The following U2SURP variants were observed in gnomAD, a reference collection of about 807,000 sequenced individuals.
U2SURP encodes U2 snRNP associated SURP domain containing, also known as U2 snRNP-associated SURP motif-containing protein.
In U2SURP, 9 loss-of-function variants were observed where a neutral mutation model predicts 144.9. That is an observed-to-expected ratio of 0.06 (90% CI 0.04 to 0.11). The LOEUF is 0.11. Among genes scored for constraint, U2SURP ranks in the 10% least tolerant of loss-of-function variants. The pLI, the probability that U2SURP is intolerant of heterozygous loss-of-function variation, is 1.00. For synonymous variants in U2SURP, 408 were observed against 396.8 expected, an observed-to-expected ratio of 1.03 and a Z score of -0.33; for missense variants, 724 against 1,226.7, an observed-to-expected ratio of 0.59 and a Z score of 6.12.
intron 21 of U2SURP, 26 bp from the exon 22 acceptor site, chr3:143,038,082 G>C (rs777347831): frequency 5.8e-6 from 9 of 1,560,608 alleles, no homozygotes; most frequent in Non-Finnish European, 7.8e-6. Flanking sequence ...AGTAGTCAGG[G>C]TTAATGGCTT....
rs1022607627 is a variant in U2SURP at position 143,060,469 on chromosome 3, T to A, written c.*4019T>A. The A allele has an allele frequency of 1.1e-4, 17 of 152,110 alleles. No individual in the cohort carries two copies. Among genetic ancestry groups the A allele is most frequent in the African/African-American group, 4.1e-4 (17 of 41,562 alleles). The allele number at this position is 152,110 out of a possible 1,614,324, so 9.4% of individuals were successfully genotyped here. On this transcript the variant is annotated 3_prime_UTR_variant, in exon 28 of 28. Transcript: ENST00000473835. ...TTTTTCTACATAAAGATTATATAGTTGCAAACAAAGGTTGTGAAATTTCCC... is the reference window on the plus strand; with the variant it reads ...TTTTTCTACATAAAGATTATATAGTAGCAAACAAAGGTTGTGAAATTTCCC...
chr3:143,033,900 T>G (rs1264720140), intron 18 of U2SURP, among the ~76,000 whole-genome samples: 2 of 152,234 alleles, frequency 1.3e-5, no homozygotes, highest in Non-Finnish European at 2.9e-5. Flanking sequence ...CTATTGACAG[T>G]ATAACAAATA....
chr3:143,037,401 A>G (rs1045117520), intron 21 of U2SURP, 66 bp downstream of exon 21: 13 of 1,388,490 alleles, frequency 9.4e-6, no homozygotes, highest in Middle Eastern at 1.8e-4. Context: ...TCTAATTTCC[A>G]TACATGCTGA....
In U2SURP at chr3:143,011,932, T is replaced by A. The variant is rs2124541; in HGVS notation, c.91-290T>A. 149 of 521,544 alleles carry A rather than the reference T, an allele frequency of 2.9e-4. 2 individuals are homozygous for A. Among genetic ancestry groups the A allele is most frequent in the South Asian group, 2.1e-3 (135 of 65,118 alleles). 32.3% of individuals were successfully genotyped at this position (521,544 alleles called of 1,614,324 possible). On this transcript the variant is annotated intron_variant, in intron 2 of 27. Transcript: ENST00000473835. ...ACAGGCAAACTATGGTGAATCAGAC[T>A]TGGGGATTTTGGCAGACATTTTCTT...
chr3:143,036,075 G>A lies in U2SURP; in HGVS notation c.2035G>A (p.Val679Ile), dbSNP rs1158041040. ...ACTACAAAATATTTTCTTAGGACTT[G>A]TAAATATTATTGAAGAAAAGGAAAC... ...IKLQNIFLGL[V>I]NIIEEKETED... The change falls in exon 20 of 28, where the codon GTA (valine) becomes ATA (isoleucine). Residue 679 changes from valine (V) to isoleucine (I), a missense_variant. Transcript: ENST00000473835. The A allele has an allele frequency of 5.0e-6, 8 of 1,607,734 alleles. No individual in the cohort carries two copies. The East Asian group carries it at 1.1e-4, about 23-fold the overall frequency.
chr3:143,046,966 C>G (rs1455451372), intron 24 of U2SURP, among the ~76,000 whole-genome samples: 1 of 136,078 alleles, frequency 7.3e-6, no homozygotes, highest in African/African-American at 3.0e-5. Context: ...CCCCACCTCC[C>G]TCCCGGACGG....
At chr3:143,016,511 C>T in intron 5 of U2SURP, 140 bp downstream of exon 5, 1 of 734,756 alleles carries the variant, frequency 1.4e-6, no homozygotes, top group African/African-American at 1.8e-5. Flanking sequence ...TTTCTATCAG[C>T]ACCCTCTAGT....
At chr3:143,023,892 ATG>A in intron 12 of U2SURP, 81 bp from the exon 13 acceptor site, 1 of 1,282,384 alleles carries the variant, frequency 7.8e-7, no homozygotes, top group Non-Finnish European at 1.1e-6. Flanking sequence ...AGTATTTTCA[ATG>A]CATATGTATA....
intron 4 of U2SURP, 59 bp from the exon 5 acceptor site, chr3:143,016,198 C>T: frequency 1.4e-6 from 2 of 1,481,316 alleles, no homozygotes; most frequent in Admixed American, 1.7e-5. Flanking sequence ...ATGAATTTAG[C>T]CTTGTGTACA....
chr3:143,003,180 CAATA>C (rs1407068167), intron 1 of U2SURP, among the ~76,000 whole-genome samples: 1 of 152,156 alleles, frequency 6.6e-6, no homozygotes, highest in Non-Finnish European at 1.5e-5. Flanking sequence ...TGGCTGTTCT[CAATA>C]AATAAATTAT....
In U2SURP at chr3:143,058,598, T is replaced by C. The variant is rs944570996; in HGVS notation, c.*2148T>C. Reference sequence around the variant, plus strand: ...TTTTTTTCTTGAATTGCAAATGGTATTATTAGATAGGTTATTTCCAGTTTT... The same window carrying C: ...TTTTTTTCTTGAATTGCAAATGGTACTATTAGATAGGTTATTTCCAGTTTT... On this transcript the variant is annotated 3_prime_UTR_variant, in exon 28 of 28. Coordinates refer to ENST00000473835, the MANE Select transcript of U2SURP (RefSeq NM_001080415.2). The C allele has an allele frequency of 6.6e-6, 1 of 151,828 alleles. No homozygotes were observed. Among genetic ancestry groups the C allele is most frequent in the African/African-American group, 2.4e-5 (1 of 41,418 alleles). The allele number at this position is 151,828 out of a possible 1,614,324, so 9.4% of individuals were successfully genotyped here.
In U2SURP at chr3:143,021,356, C is replaced by T. The variant is rs769491868; in HGVS notation, c.740C>T (p.Ala247Val). 26 of 1,596,212 alleles carry T rather than the reference C, an allele frequency of 1.6e-5. No individual in the cohort carries two copies. Among genetic ancestry groups the T allele is most frequent in the South Asian group, 5.6e-5 (5 of 88,538 alleles). ...DSDGQRRSMDAPSRRNRSSGV... is the reference protein window; with the variant it reads ...DSDGQRRSMDVPSRRNRSSGV... ...TTCTTTTCTCCCCTTTAAGTGGACG[C>T]GCCTTCAAGAAGAAATAGATCATCT... The change falls in exon 9 of 28, where the codon GCG (alanine) becomes GTG (valine). Residue 247 changes from alanine (A) to valine (V), a missense_variant. By Grantham distance (64) the Ala-to-Val change is moderately conservative. This residue lies in a region of U2SURP where 115 missense variants were observed against 258.1 expected (regional missense o/e 0.45). Coordinates refer to ENST00000473835, the MANE Select transcript of U2SURP (RefSeq NM_001080415.2).
At chr3:143,049,169 G>C (rs1048129727) in intron 24 of U2SURP, among the ~76,000 whole-genome samples, 2 of 151,254 alleles carry the variant, frequency 1.3e-5, no homozygotes, top group Non-Finnish European at 2.9e-5. Flanking sequence ...GGGAAGCTGA[G>C]GCGGGAGAAT....
At chr3:143,040,048 C>T (rs996648126) in intron 23 of U2SURP, among the ~76,000 whole-genome samples, 8 of 151,726 alleles carry the variant, frequency 5.3e-5, no homozygotes, top group South Asian at 2.1e-4. Context: ...TTTTTATGTT[C>T]GTGATCCTAT....
At chr3:143,007,257 A>AGTCAG (rs1360826483) in intron 1 of U2SURP, among the ~76,000 whole-genome samples, 3 of 150,346 alleles carry the variant, frequency 2.0e-5, no homozygotes, top group Non-Finnish European at 4.4e-5. Flanking sequence ...CTGCCTTTTC[A>AGTCAG]CTTCTTCCTT....
At chr3:143,044,150 A>ATTTTTAATGTCTGTACCATATG (rs1396845949) in intron 24 of U2SURP, among the ~76,000 whole-genome samples, 1 of 152,116 alleles carries the variant, frequency 6.6e-6, no homozygotes, top group Non-Finnish European at 1.5e-5. Context: ...TATTAGGCTC[A>ATTTTTAATGTCTGTACCATATG]TTTTTAATGT....
intron 6 of U2SURP, 42 bp downstream of exon 6, chr3:143,017,017 G>T (rs1318811582): frequency 6.6e-7 from 1 of 1,521,268 alleles, no homozygotes; most frequent in African/African-American, 1.4e-5. Context: ...GTTCAGAGAT[G>T]ACACTGCCAG....
chr3:143,021,665 G>A, intron 10 of U2SURP, 110 bp downstream of exon 10: 3 of 1,088,570 alleles, frequency 2.8e-6, no homozygotes, highest in Non-Finnish European at 2.7e-6. Flanking sequence ...GATGGAATTG[G>A]ATAGTCTTTA....
At chr3:143,048,171 T>A (rs1284194847) in intron 24 of U2SURP, among the ~76,000 whole-genome samples, 1 of 152,218 alleles carries the variant, frequency 6.6e-6, no homozygotes, top group Non-Finnish European at 1.5e-5. Context: ...GCTGGATAGT[T>A]AAGAAGCCAT....
Sources: allele counts gnomAD v4.1 joint callset (sites outside exome capture counted in the v4.1 genomes callset), GRCh38; gene constraint gnomAD v4.1.1; regional missense constraint gnomAD v4.1.1; transcripts MANE v1.5; gene names NCBI Gene and HGNC (gene_info 2026-07-23, HGNC 2026-07-21).